The following ABCC4 variants were observed in gnomAD, a reference collection of about 807,000 sequenced individuals.
The protein encoded by ABCC4 is ATP binding cassette subfamily C member 4 (PEL blood group), also known as ATP-binding cassette sub-family C member 4.
A neutral mutation model predicts 168.5 loss-of-function variants in ABCC4; 102 were observed. The ratio of observed to expected loss-of-function variants is 0.61; its 90% CI spans 0.52 to 0.71. The LOEUF is 0.71. Ranked by LOEUF, ABCC4 falls within the 30% of genes least tolerant of loss-of-function variation. ABCC4 has a pLI of 0.00. For synonymous variants in ABCC4, 617 were observed against 590.7 expected, an observed-to-expected ratio of 1.04 and a Z score of -0.65; for missense variants, 1,402 against 1,605.8, an observed-to-expected ratio of 0.87 and a Z score of 2.17.
intron 29 of ABCC4, 79 bp downstream of exon 29, chr13:95,043,603 C>G: frequency 8.0e-7 from 1 of 1,256,698 alleles, no homozygotes; most frequent in Non-Finnish European, 1.1e-6. Flanking sequence ...GGGTTTCTAT[C>G]AAGTTTTACA....
Position 95,186,808 on chromosome 13 carries a change from G to T in ABCC4, c.1438C>A (p.Gln480Lys), listed in dbSNP as rs763274710. The change falls in exon 11 of 31, where the codon CAG becomes AAG. Residue 480 changes from glutamine to lysine, a missense_variant. Gln to Lys is a moderately conservative substitution (Grantham distance 53, BLOSUM62 1). Transcript: ENST00000645237. ...SVHGRIAYVS[Q>K]QPWVFSGTLR... ...GTTCCCGAGAACACCCAGGGCTGCT[G>T]AGACACATAGGCAATTCTTCCATGC... 16 of 1,613,990 alleles carry T rather than the reference G, an allele frequency of 9.9e-6. No individual in the cohort carries two copies. The highest frequency in any genetic ancestry group is 1.4e-5 in the Non-Finnish European group (16 of 1,180,018).
chr13:95,301,149 G>A, intron 1 of ABCC4, 92 bp downstream of exon 1: 3 of 1,235,144 alleles, frequency 2.4e-6, no homozygotes, highest in Middle Eastern at 4.0e-4. Flanking sequence ...CCCAGCCGCA[G>A]AGGGCTTGGG....
intron 4 of ABCC4, among the ~76,000 whole-genome samples, chr13:95,230,210 A>G (rs1194486811): frequency 1.3e-5 from 2 of 152,236 alleles, no homozygotes; most frequent in African/African-American, 4.8e-5. Context: ...GTAAGAAATA[A>G]CACAGAGTTC....
At chr13:95,175,560 G>A (rs533782983) in intron 13 of ABCC4, among the ~76,000 whole-genome samples, 10 of 152,234 alleles carry the variant, frequency 6.6e-5, no homozygotes, top group Admixed American at 5.9e-4. Context: ...TGCCTGCCTC[G>A]GCTTCCCAAA....
At chr13:95,081,688 T>G (rs2034100222) in intron 21 of ABCC4, among the ~76,000 whole-genome samples, 1 of 152,152 alleles carries the variant, frequency 6.6e-6, no homozygotes, top group Non-Finnish European at 1.5e-5. Context: ...ATGCAGACAC[T>G]TAGGATAAAT....
At chr13:95,181,295 C>T (rs1469625453) in intron 11 of ABCC4, among the ~76,000 whole-genome samples, 9 of 152,224 alleles carry the variant, frequency 5.9e-5, no homozygotes, top group Admixed American at 2.0e-4. Context: ...TCACAGGGGC[C>T]AGGCCTGAGG....
chr13:95,052,997 A>T, intron 27 of ABCC4, 98 bp downstream of exon 27: 1 of 1,056,888 alleles, frequency 9.5e-7, no homozygotes, highest in Non-Finnish European at 1.5e-6. Flanking sequence ...AAAGTTAGTT[A>T]AACCGCTAAG....
intron 1 of ABCC4, among the ~76,000 whole-genome samples, chr13:95,256,812 T>C (rs752486677): frequency 1.3e-5 from 2 of 152,074 alleles, no homozygotes; most frequent in Non-Finnish European, 2.9e-5. Flanking sequence ...AATTAGTGCC[T>C]GTTCAAATCA....
chr13:95,236,606 A>G (rs61972724), intron 3 of ABCC4, among the ~76,000 whole-genome samples: 8,488 of 148,860 alleles, frequency 0.057, 297 homozygotes, highest in East Asian at 0.098. Context: ...GTGCGCGCAC[A>G]CACACACACA....
chr13:95,073,734 T>C (rs994600660), intron 23 of ABCC4, among the ~76,000 whole-genome samples: 11 of 152,184 alleles, frequency 7.2e-5, no homozygotes, highest in Non-Finnish European at 1.6e-4. Context: ...TGTTCCATTA[T>C]TAAGTATTGT....
At chr13:95,126,401 T>G (rs368122653) in intron 19 of ABCC4, among the ~76,000 whole-genome samples, 116 of 152,320 alleles carry the variant, frequency 7.6e-4, no homozygotes, top group African/African-American at 2.3e-3. Flanking sequence ...TCACTGAGAT[T>G]ACCTTGAATG....
intron 19 of ABCC4, among the ~76,000 whole-genome samples, chr13:95,151,372 G>C (rs2036667668): frequency 6.6e-6 from 1 of 151,936 alleles, no homozygotes; most frequent in African/African-American, 2.4e-5. Context: ...CTACTCGGTA[G>C]GCTGAGGCAA....
intron 19 of ABCC4, among the ~76,000 whole-genome samples, chr13:95,158,857 C>T (rs953526186): frequency 3.3e-5 from 5 of 151,784 alleles, no homozygotes; most frequent in African/African-American, 1.2e-4. Context: ...ATCCCTTGAG[C>T]ACAGGAGTTC....
intron 27 of ABCC4, 38 bp downstream of exon 27, chr13:95,053,057 G>A: frequency 6.5e-7 from 1 of 1,549,230 alleles, no homozygotes; most frequent in African/African-American, 1.4e-5. Context: ...CACATACTGA[G>A]GCTAACAGAC....
chr13:95,051,120 G>A (rs2032812584), intron 27 of ABCC4, among the ~76,000 whole-genome samples: 1 of 152,142 alleles, frequency 6.6e-6, no homozygotes, highest in African/African-American at 2.4e-5. Context: ...TGAAATCAGA[G>A]GTCAATTGCT....
chr13:95,239,097 TA>T (rs66526490), intron 3 of ABCC4, among the ~76,000 whole-genome samples: 96,629 of 150,874 alleles, frequency 0.64, 31,206 homozygotes, highest in East Asian at 0.85. Context: ...TATTTGACTG[TA>T]AAAAAAAATA....
At chr13:95,247,569 A>G (rs2040138354) in intron 2 of ABCC4, 74 bp downstream of exon 2, 2 of 1,175,180 alleles carry the variant, frequency 1.7e-6, no homozygotes, top group East Asian at 4.7e-5. Context: ...GACAGGACCC[A>G]GGAAGGCAAA....
intron 30 of ABCC4, among the ~76,000 whole-genome samples, chr13:95,025,208 AC>A (rs1254150411): frequency 3.5e-4 from 11 of 31,684 alleles, no homozygotes; most frequent in Non-Finnish European, 3.6e-4. Context: ...ACACCCCCAC[AC>A]CCCCCACACA....
intron 20 of ABCC4, among the ~76,000 whole-genome samples, chr13:95,102,850 A>AC (rs2034861227): frequency 6.7e-6 from 1 of 149,596 alleles, no homozygotes; most frequent in Non-Finnish European, 1.5e-5. Context: ...CAAACTCCTG[A>AC]CCTCAAGTGA....
Sources: allele counts gnomAD v4.1 joint callset (sites outside exome capture counted in the v4.1 genomes callset), GRCh38; gene constraint gnomAD v4.1.1; transcripts MANE v1.5; gene names NCBI Gene and HGNC (gene_info 2026-07-23, HGNC 2026-07-21).